The following SMAD9 variants were observed in gnomAD, a reference collection of about 807,000 sequenced individuals.
SMAD9 encodes the protein SMAD family member 9.
SMAD9 carries 36 observed loss-of-function variants against 46.1 expected under a neutral mutation model. The ratio of observed to expected loss-of-function variants is 0.78; its 90% CI spans 0.60 to 1.03. The LOEUF (loss-of-function observed/expected upper bound fraction) is 1.03, where lower values mean the gene tolerates loss of function less well. Ranked by LOEUF, SMAD9 falls within the 50% of genes least tolerant of loss-of-function variation. The pLI, the probability that SMAD9 is intolerant of heterozygous loss-of-function variation, is 0.00. For synonymous variants in SMAD9, 245 were observed against 237.1 expected, an observed-to-expected ratio of 1.03 and a Z score of -0.31; for missense variants, 572 against 599.8, an observed-to-expected ratio of 0.95 and a Z score of 0.48.
At chr13:36,868,499 G>A (rs2058257595) in intron 3 of SMAD9, among the ~76,000 whole-genome samples, 1 of 152,142 alleles carries the variant, frequency 6.6e-6, no homozygotes, top group South Asian at 2.1e-4. Flanking sequence ...TAGCATTTTG[G>A]AAGGCTGAAG....
chr13:36,903,125 GGT>G (rs2058591303), intron 1 of SMAD9, among the ~76,000 whole-genome samples: 1 of 138,448 alleles, frequency 7.2e-6, no homozygotes, highest in African/African-American at 2.8e-5. Flanking sequence ...TTTTTCTTTT[GGT>G]TTTTTTTTTT....
chr13:36,911,834 C>CA (rs1405574278), intron 1 of SMAD9, among the ~76,000 whole-genome samples: 1 of 152,030 alleles, frequency 6.6e-6, no homozygotes, highest in Non-Finnish European at 1.5e-5. Context: ...TCAGCCTCCC[C>CA]AGTAGCTGGG....
At chr13:36,918,309 GAGTTTGTTC>G (rs1251684507) in intron 1 of SMAD9, among the ~76,000 whole-genome samples, 1 of 152,180 alleles carries the variant, frequency 6.6e-6, no homozygotes, top group Non-Finnish European at 1.5e-5. Flanking sequence ...TGATAAACAT[GAGTTTGTTC>G]AGATCAAGAG....
In SMAD9 at chr13:36,853,535, G is replaced by A; in HGVS notation, c.1144C>T (p.Leu382Phe). 6.2e-7 allele frequency: 1 copy of A among 1,614,156 alleles called. No individual in the cohort carries two copies. The highest frequency in any genetic ancestry group is 8.5e-7 in the Non-Finnish European group (1 of 1,180,030). ...AAGAGCTGGTTGTTGAAGACCTTGAGGCTGCAGCCGCTGGGGATCTTGCAG... is the reference window on the plus strand; with the variant it reads ...AAGAGCTGGTTGTTGAAGACCTTGAAGCTGCAGCCGCTGGGGATCTTGCAG... The part of the protein sequence containing the change: ...TVCKIPSGCS[L>F]KVFNNQLFAQ... The change falls in exon 6 of 7, where the codon CTC (leucine) becomes TTC (phenylalanine). Residue 382 changes from leucine (L) to phenylalanine (F), a missense_variant. Coordinates refer to ENST00000379826, the MANE Select transcript of SMAD9 (RefSeq NM_001127217.3).
chr13:36,885,376 G>A (rs959948898), intron 1 of SMAD9, among the ~76,000 whole-genome samples: 7 of 150,170 alleles, frequency 4.7e-5, no homozygotes, highest in Non-Finnish European at 1.0e-4. Flanking sequence ...AAGAAACTGG[G>A]CTTAAAACAC....
chr13:36,886,355 G>T (rs2058444550), intron 1 of SMAD9, among the ~76,000 whole-genome samples: 2 of 152,274 alleles, frequency 1.3e-5, no homozygotes, highest in Non-Finnish European at 2.9e-5. Flanking sequence ...GGCCTGAGCT[G>T]TACTGAAATG....
chr13:36,913,225 A>G (rs1474030991), intron 1 of SMAD9, among the ~76,000 whole-genome samples: 2 of 152,202 alleles, frequency 1.3e-5, no homozygotes, highest in South Asian at 4.1e-4. Flanking sequence ...GGGAAGTAAG[A>G]CATCTTACTA....
At chr13:36,913,100 TTTAA>T (rs1409820012) in intron 1 of SMAD9, among the ~76,000 whole-genome samples, 5 of 152,244 alleles carry the variant, frequency 3.3e-5, no homozygotes, top group African/African-American at 9.6e-5. Context: ...TTGTGTTATT[TTTAA>T]TTTTTTCTCC....
chr13:36,914,282 G>A (rs1458903332), intron 1 of SMAD9, among the ~76,000 whole-genome samples: 1 of 152,194 alleles, frequency 6.6e-6, no homozygotes, highest in Non-Finnish European at 1.5e-5. Context: ...CACTTTGGGA[G>A]GCCGAGGCCG....
At chr13:36,875,720 T>C (rs768747263) in intron 2 of SMAD9, among the ~76,000 whole-genome samples, 3 of 152,232 alleles carry the variant, frequency 2.0e-5, no homozygotes, top group Non-Finnish European at 4.4e-5. Context: ...ATTTGAATCA[T>C]CTCTGTGACT....
chr13:36,849,059 T>C (rs1202022470), intron 6 of SMAD9, among the ~76,000 whole-genome samples: 1 of 152,220 alleles, frequency 6.6e-6, no homozygotes, highest in Non-Finnish European at 1.5e-5. Context: ...TACTCGGATC[T>C]AGAGAGGTTC....
chr13:36,918,831 T>G (rs897720971), intron 1 of SMAD9, among the ~76,000 whole-genome samples: 3 of 152,244 alleles, frequency 2.0e-5, no homozygotes, highest in African/African-American at 7.2e-5. Flanking sequence ...GACATGCTTG[T>G]AGTAGTCACA....
chr13:36,866,010 G>A (rs193113678), intron 4 of SMAD9, among the ~76,000 whole-genome samples: 4 of 152,200 alleles, frequency 2.6e-5, no homozygotes, highest in African/African-American at 4.8e-5. Context: ...ATTTATAAAT[G>A]TGTATTGGTC....
chr13:36,887,456 C>A (rs2138553722), intron 1 of SMAD9, among the ~76,000 whole-genome samples: 1 of 152,064 alleles, frequency 6.6e-6, no homozygotes, highest in Non-Finnish European at 1.5e-5. Flanking sequence ...CTCCTGACCT[C>A]AGGTGGTCCG....
rs2058051779 is a variant in SMAD9, at chr13:36,848,712, CATCT to C, written c.1364_1367del (p.Gln455ArgfsTer24). The C allele has an allele frequency of 6.2e-7, 1 of 1,613,998 alleles. No individual in the cohort carries two copies. Among genetic ancestry groups the C allele is most frequent in the Non-Finnish European group, 8.5e-7 (1 of 1,180,004 alleles). ...AAGAAATGGGGTTATGTGGAGAGCC[CATCT>C]GAGTCAGAACTTTGTCCAGCCACTG... On this transcript the variant is annotated frameshift_variant, in exon 7 of 7. Coordinates refer to ENST00000379826, the MANE Select transcript of SMAD9 (RefSeq NM_001127217.3). LOFTEE classifies it high-confidence loss of function.
chr13:36,853,641 A>G lies in SMAD9; in HGVS notation c.1038T>C (p.Tyr346=), dbSNP rs1445383566. The change falls in exon 6 of 7, where the codon TAT becomes TAC. Residue 346 remains tyrosine (Y), a synonymous_variant. Transcript: ENST00000379826. ...TGCTGCTGTCACTCACGCACTCGGC[A>G]TACACCTCTCCCCCGACGTAGTACA... ...VHLYYVGGEV[Y]AECVSDSSIF... 3.7e-6 allele frequency: 6 copies of G among 1,614,092 alleles called. No homozygotes were observed. The South Asian group carries it at 4.4e-5, about 12-fold the overall frequency.
rs1412798280 is a variant in SMAD9 at position 36,853,410 on chromosome 13, A to T, written c.1260+9T>A. On this transcript the variant is annotated intron_variant, in intron 6 of 6. Coordinates refer to ENST00000379826, the MANE Select transcript of SMAD9 (RefSeq NM_001127217.3). ...AACATTTTATAACGTGATAGCAAGC[A>T]CTCCTTACCTTAACAAAACTCATCC... The T allele has an allele frequency of 5.0e-6, 8 of 1,613,414 alleles. No homozygotes were observed. Among genetic ancestry groups the T allele is most frequent in the South Asian group, 3.3e-5 (3 of 91,074 alleles).
chr13:36,911,083 G>A lies in SMAD9; in HGVS notation c.-187+9033C>T, dbSNP rs1443356922. Among the ~76,000 whole-genome samples, 24 of 152,034 alleles carry A rather than the reference G, an allele frequency of 1.6e-4. No homozygotes were observed. The East Asian group carries it at 3.1e-3, about 20-fold the overall frequency. ...TGCAGTGGCGTGATCATGGCTCACC[G>A]CAGCCTCAACCTGCCAGGCTCAATA... is the stretch of plus-strand genomic sequence containing the variant. On this transcript the variant is annotated intron_variant, in intron 1 of 6. Coordinates refer to ENST00000379826, the MANE Select transcript of SMAD9 (RefSeq NM_001127217.3).
intron 1 of SMAD9, among the ~76,000 whole-genome samples, chr13:36,918,683 A>T (rs1196176568): frequency 6.6e-6 from 1 of 152,214 alleles, no homozygotes; most frequent in African/African-American, 2.4e-5. Flanking sequence ...GGAAACTCTT[A>T]TATTGAATCT....
Sources: gnomAD v4.1 joint callset for allele counts (sites outside exome capture counted in the v4.1 genomes callset) on GRCh38, gnomAD v4.1.1 for gene constraint, MANE v1.5 for transcripts, NCBI Gene and HGNC (gene_info 2026-07-23, HGNC 2026-07-21) for gene names.